The following FAM151A variants were observed in gnomAD, a reference collection of about 807,000 sequenced individuals.
FAM151A encodes the protein protein FAM151A.
FAM151A carries 41 observed loss-of-function variants against 40.4 expected under a neutral mutation model. The ratio of observed to expected loss-of-function variants is 1.01; its 90% CI spans 0.79 to 1.32. The LOEUF is 1.32. Among genes scored for constraint, FAM151A ranks in the 40% most tolerant of loss-of-function variants. The probability of loss-of-function intolerance (pLI) is 0.00; values close to 1 mark genes in which losing one functional copy is unlikely to be tolerated. For missense variants in FAM151A, 740 were observed against 740.4 expected, an observed-to-expected ratio of 1.00 and a Z score of 0.01; for synonymous variants, 337 against 312.5, an observed-to-expected ratio of 1.08 and a Z score of -0.83.
intron 1 of FAM151A, among the ~76,000 whole-genome samples, chr1:54,620,933 G>A (rs1410094073): frequency 1.3e-5 from 2 of 151,050 alleles, no homozygotes; most frequent in African/African-American, 4.9e-5. Flanking sequence ...GCCGAGGTGG[G>A]TGGATTGCCT....
intron 7 of FAM151A, chr1:54,610,154 C>T: frequency 7.0e-7 from 1 of 1,433,324 alleles, no homozygotes; most frequent in Non-Finnish European, 9.1e-7. Flanking sequence ...TGGCCTTTAC[C>T]CATGACTCAG....
At position 54,612,645 on chromosome 1, in the gene FAM151A, T is replaced by A. The variant is rs768678669; in HGVS notation, c.641A>T (p.Tyr214Phe). Residue 214 changes from tyrosine (Y) to phenylalanine (F), a missense_variant, in exon 5 of 8, where the codon TAC becomes TTC. Physicochemically the swap from Tyr to Phe is conservative, Grantham distance 22. Transcript: ENST00000302250. ...CGTCCTGTTTGGGGACGTGGACATGTAGAAGGTGGTCCAGCCTGGAGATAG... is the reference window on the plus strand; with the variant it reads ...CGTCCTGTTTGGGGACGTGGACATGAAGAAGGTGGTCCAGCCTGGAGATAG... Reference protein sequence around the residue: ...ATLSPGWTTFYMSTSPNRTYT... With the variant: ...ATLSPGWTTFFMSTSPNRTYT... 2 of 1,613,926 alleles carry A rather than the reference T, an allele frequency of 1.2e-6. No individual in the cohort carries two copies. The highest frequency in any genetic ancestry group is 2.7e-5 in the African/African-American group (2 of 74,878).
In FAM151A at chr1:54,616,302, C is replaced by T. The variant is rs1644172678; in HGVS notation, c.263-130G>A. The T allele has an allele frequency of 6.5e-6, 5 of 766,990 alleles. No individual in the cohort carries two copies. In the South Asian group the frequency reaches 7.5e-5, roughly 11 times the overall value. The allele number at this position is 766,990 out of a possible 1,614,324, so 47.5% of individuals were successfully genotyped here. A position where few individuals can be genotyped will look rare whatever the true frequency, so the allele number is the denominator to read the frequency against. On this transcript the variant is annotated intron_variant, in intron 2 of 7. Transcript: ENST00000302250. ...AAAGTGGAAGAGGAAAATATTCACC[C>T]ACACTTCCATCATAGTTTCACATTT...
chr1:54,619,819 C>T (rs770752692), intron 2 of FAM151A, 45 bp downstream of exon 2: 3 of 1,601,572 alleles, frequency 1.9e-6, no homozygotes, highest in South Asian at 1.1e-5. Flanking sequence ...TCTGTCTTCT[C>T]TATCCCTTGC....
In FAM151A at chr1:54,623,438, G is replaced by C. The variant is rs756412473; in HGVS notation, c.-43C>G. ...AATGCCCCCAACTCCGTGCGGCCCA[G>C]AGTCCCTGAGGCTCCCTGCAGCTGG... is the stretch of plus-strand genomic sequence containing the variant. On this transcript the variant is annotated 5_prime_UTR_variant, in exon 1 of 8. Coordinates refer to ENST00000302250, the MANE Select transcript of FAM151A (RefSeq NM_176782.3). 1 of 1,460,916 alleles carries C rather than the reference G, an allele frequency of 6.8e-7. No homozygotes were observed. Among genetic ancestry groups the C allele is most frequent in the South Asian group, 1.2e-5 (1 of 86,324 alleles). 90.5% of individuals were successfully genotyped at this position (1,460,916 alleles called of 1,614,324 possible). A position where few individuals can be genotyped will look rare whatever the true frequency, so the allele number is the denominator to read the frequency against.
Position 54,609,375 on chromosome 1 carries a change from C to G in FAM151A, c.1651G>C (p.Val551Leu). 6.2e-7 allele frequency: 1 copy of G among 1,614,194 alleles called. No homozygotes were observed. The highest frequency in any genetic ancestry group is 8.5e-7 in the Non-Finnish European group (1 of 1,180,030). ...CTAGCTGCCAGCAATGCTGTCCTCA[C>G]AGAGGCATAGTCGCCCCCAGCTGGG... ...HNPAGGDYAS[V>L]RTALLAARAV... Residue 551 changes from valine (V) to leucine (L), a missense_variant, in exon 8 of 8, where the codon GTG becomes CTG. Val to Leu is a conservative substitution (Grantham distance 32). Coordinates refer to ENST00000302250, the MANE Select transcript of FAM151A (RefSeq NM_176782.3).
intron 2 of FAM151A, among the ~76,000 whole-genome samples, chr1:54,616,794 A>G (rs1644178122): frequency 1.3e-5 from 2 of 152,204 alleles, no homozygotes; most frequent in African/African-American, 2.4e-5. Flanking sequence ...ACAAGGCAAA[A>G]AAGCAAAAAG....
chr1:54,609,356 G>T lies in FAM151A; in HGVS notation c.1670C>A (p.Ala557Glu), dbSNP rs773283147. ...DYASVRTALL[A>E]ARAVDRTRVY... ...TCGGGTCCTGTCCACAGCCCTAGCT[G>T]CCAGCAATGCTGTCCTCACAGAGGC... The change falls in exon 8 of 8, where the codon GCA becomes GAA. Residue 557 changes from alanine (A) to glutamate (E), a missense_variant. Ala to Glu is a moderately radical substitution (Grantham distance 107). Transcript: ENST00000302250. 2.5e-6 allele frequency: 4 copies of T among 1,614,172 alleles called. No individual in the cohort carries two copies. The South Asian group carries it at 4.4e-5, about 18-fold the overall frequency.
intron 1 of FAM151A, among the ~76,000 whole-genome samples, chr1:54,620,877 A>AG (rs1644223439): frequency 2.2e-5 from 3 of 135,008 alleles, no homozygotes; most frequent in Non-Finnish European, 4.7e-5. Context: ...AAAAAAAAAA[A>AG]GGCTGGGTTT....
chr1:54,612,006 CCTGT>C (rs1457272168), intron 5 of FAM151A, among the ~76,000 whole-genome samples: 1 of 151,104 alleles, frequency 6.6e-6, no homozygotes, highest in Non-Finnish European at 1.5e-5. Context: ...ATTTCTGAGT[CCTGT>C]CTTAGGAAAG....
chr1:54,619,769 G>T, intron 2 of FAM151A, 95 bp downstream of exon 2: 1 of 1,313,000 alleles, frequency 7.6e-7, no homozygotes, highest in Admixed American at 1.8e-5. Context: ...CAGCCATCAT[G>T]CCACCACAGT....
rs61770426 is a variant in FAM151A at position 54,620,014 on chromosome 1, G to A, written c.119-7C>T. 1.2e-6 allele frequency: 2 copies of A among 1,612,944 alleles called. No individual in the cohort carries two copies. The highest frequency in any genetic ancestry group is 1.3e-5 in the African/African-American group (1 of 74,938). On this transcript the variant is annotated splice_region_variant and splice_polypyrimidine_tract_variant and intron_variant, in intron 1 of 7. Coordinates refer to ENST00000302250, the MANE Select transcript of FAM151A (RefSeq NM_176782.3). Reference sequence around the variant, plus strand: ...CAGGCCTCCAGCTCACAGCCTGGAAGGAATCCCAAGGGGCTGTTAGCGTCT... The same window carrying A: ...CAGGCCTCCAGCTCACAGCCTGGAAAGAATCCCAAGGGGCTGTTAGCGTCT...
Position 54,609,922 on chromosome 1 carries a change from C to T in FAM151A, c.1104G>A (p.Leu368=). 1 of 1,606,528 alleles carries T rather than the reference C, an allele frequency of 6.2e-7. No individual in the cohort carries two copies. Among genetic ancestry groups the T allele is most frequent in the Non-Finnish European group, 8.5e-7 (1 of 1,179,094 alleles). The change falls in exon 8 of 8, where the codon CTG becomes CTA. Residue 368 remains leucine, a synonymous_variant. Transcript: ENST00000302250. Reference sequence around the variant, plus strand: ...CAGTTCCCTCGAGGCCAGTGTTCAGCAGGATCATGCCTTCTGTGTCTGGAA... The same window carrying T: ...CAGTTCCCTCGAGGCCAGTGTTCAGTAGGATCATGCCTTCTGTGTCTGGAA... ...MTLPDTEGMI[L]LNTGLEGTVA...
In FAM151A at chr1:54,614,823, C is replaced by T. The variant is rs1390528373; in HGVS notation, c.452G>A (p.Gly151Asp). ...KLDFKNIKAV[G>D]PSLDLLRQLT... Reference sequence around the variant, plus strand: ...CTGCCGCAGGAGGTCCAGGGAGGGGCCCACTGCCTTGATGTTCTTGAAGTC... The same window carrying T: ...CTGCCGCAGGAGGTCCAGGGAGGGGTCCACTGCCTTGATGTTCTTGAAGTC... The change falls in exon 4 of 8, where the codon GGC becomes GAC. Residue 151 changes from glycine (G) to aspartate (D), a missense_variant. Coordinates refer to ENST00000302250, the MANE Select transcript of FAM151A (RefSeq NM_176782.3). 1.2e-6 allele frequency: 2 copies of T among 1,614,124 alleles called. No individual in the cohort carries two copies. The highest frequency in any genetic ancestry group is 1.7e-6 in the Non-Finnish European group (2 of 1,180,004).
intron 2 of FAM151A, among the ~76,000 whole-genome samples, chr1:54,618,178 C>G (rs936230968): frequency 2.0e-5 from 3 of 152,140 alleles, no homozygotes; most frequent in Non-Finnish European, 1.5e-5. Flanking sequence ...ACTATGGCAC[C>G]TCCTGCTCAT....
At chr1:54,610,596 C>T in intron 6 of FAM151A, 41 bp from the exon 7 acceptor site, 1 of 1,596,444 alleles carries the variant, frequency 6.3e-7, no homozygotes. Context: ...GGCTGCCATT[C>T]ACAGAACACC....
At chr1:54,623,213 G>A in intron 1 of FAM151A, 65 bp downstream of exon 1, 1 of 1,049,680 alleles carries the variant, frequency 9.5e-7, no homozygotes, top group African/African-American at 1.6e-5. Flanking sequence ...CTGTAAGTGA[G>A]AAGTGGGGAT....
chr1:54,620,455 C>T (rs572613104), intron 1 of FAM151A, among the ~76,000 whole-genome samples: 1 of 152,300 alleles, frequency 6.6e-6, no homozygotes, highest in East Asian at 1.9e-4. Flanking sequence ...CCTGTAATCC[C>T]AGCACTTTGG....
At chr1:54,611,493 C>T in intron 6 of FAM151A, 113 bp downstream of exon 6, 1 of 1,088,816 alleles carries the variant, frequency 9.2e-7, no homozygotes, top group South Asian at 1.5e-5. Context: ...TCCTGTCCCA[C>T]CCCGGCCTTC....
Sources: gnomAD v4.1 joint callset for allele counts (sites outside exome capture counted in the v4.1 genomes callset) on GRCh38, gnomAD v4.1.1 for gene constraint, MANE v1.5 for transcripts, NCBI Gene and HGNC (gene_info 2026-07-23, HGNC 2026-07-21) for gene names.